MYO1B: variants seen among roughly 807,000 people sequenced by gnomAD.
The protein encoded by MYO1B is myosin IB, also known as unconventional myosin-Ib.
Under a neutral mutation model 159.7 loss-of-function variants are expected in MYO1B, and 72 were observed. The observed-to-expected ratio is 0.45, with a 90% confidence interval of 0.37 to 0.55. MYO1B has a LOEUF of 0.55. Among genes scored for constraint, MYO1B ranks in the 20% least tolerant of loss-of-function variants. The pLI is 0.00. For missense variants in MYO1B, 1,062 were observed against 1,364.8 expected (o/e 0.78, Z 3.50); for synonymous variants, 468 against 473.8 (o/e 0.99, Z 0.16).
In MYO1B at chr2:191,369,543, CTTA is replaced by C; in HGVS notation, c.1039_1041del (p.Tyr347del). 1 of 1,611,882 alleles carries C rather than the reference CTTA, an allele frequency of 6.2e-7. No homozygotes were observed. Among genetic ancestry groups the C allele is most frequent in the Non-Finnish European group, 8.5e-7 (1 of 1,178,480 alleles). On this transcript the variant is annotated inframe_deletion and splice_region_variant, in exon 12 of 31. Coordinates refer to ENST00000392318, the MANE Select transcript of MYO1B (RefSeq NM_001130158.3). ...TTTTGTTTGTTTGTTTTTTAATAGG[CTTA>C]TTATGCCCGTGATGCTCTGGCTAAA...
chr2:191,368,925 G>C (rs1490988927), intron 11 of MYO1B, among the ~76,000 whole-genome samples: 1 of 152,148 alleles, frequency 6.6e-6, no homozygotes, highest in African/African-American at 2.4e-5. Context: ...AGTGAGCTGA[G>C]ATTGTGCTAC....
chr2:191,249,517 A>T (rs1685984484), intron 1 of MYO1B, among the ~76,000 whole-genome samples: 2 of 152,160 alleles, frequency 1.3e-5, no homozygotes. Flanking sequence ...ATGAAAAGGG[A>T]ATAGCAGTGG....
intron 11 of MYO1B, among the ~76,000 whole-genome samples, chr2:191,368,753 C>T (rs1453892038): frequency 6.6e-6 from 1 of 152,100 alleles, no homozygotes; most frequent in Non-Finnish European, 1.5e-5. Flanking sequence ...GTGGGTGGAT[C>T]ACCTGAGGCC....
At chr2:191,296,025 T>C (rs1559147512) in intron 2 of MYO1B, 86 bp from the exon 3 acceptor site, 16 of 646,568 alleles carry the variant, frequency 2.5e-5, no homozygotes, top group African/African-American at 3.7e-5. Flanking sequence ...TTTTAAAAGG[T>C]TGAAACCATA....
chr2:191,374,478 G>A (rs1010553268), intron 13 of MYO1B, among the ~76,000 whole-genome samples: 2 of 152,172 alleles, frequency 1.3e-5, no homozygotes, highest in Non-Finnish European at 2.9e-5. Context: ...TGGCCCTGCA[G>A]TTCCCATGAA....
At chr2:191,299,680 A>T (rs1014943247) in intron 3 of MYO1B, among the ~76,000 whole-genome samples, 1 of 152,232 alleles carries the variant, frequency 6.6e-6, no homozygotes, top group African/African-American at 2.4e-5. Flanking sequence ...GTAAAAACAT[A>T]GTGAACAGGA....
intron 30 of MYO1B, among the ~76,000 whole-genome samples, chr2:191,423,048 C>T (rs1017965914): frequency 6.6e-6 from 1 of 152,154 alleles, no homozygotes; most frequent in African/African-American, 2.4e-5. Context: ...GGTTGAGTCT[C>T]CCTTATTCGA....
chr2:191,297,965 C>A (rs1377971758), intron 3 of MYO1B, among the ~76,000 whole-genome samples: 1 of 152,104 alleles, frequency 6.6e-6, no homozygotes, highest in East Asian at 1.9e-4. Context: ...TTGAGAAACC[C>A]TGAAATGAAG....
intron 13 of MYO1B, among the ~76,000 whole-genome samples, chr2:191,373,780 A>G (rs1694526785): frequency 6.6e-6 from 1 of 152,208 alleles, no homozygotes; most frequent in African/African-American, 2.4e-5. Context: ...AGCAAATCTT[A>G]TAATGGCCAT....
chr2:191,358,058 A>G (rs1693416025), intron 7 of MYO1B, among the ~76,000 whole-genome samples: 1 of 152,222 alleles, frequency 6.6e-6, no homozygotes, highest in Non-Finnish European at 1.5e-5. Flanking sequence ...AGGCGAATTC[A>G]TGTATTTATA....
chr2:191,331,606 AATTC>A (rs1691479708), intron 4 of MYO1B, among the ~76,000 whole-genome samples: 1 of 152,184 alleles, frequency 6.6e-6, no homozygotes, highest in Non-Finnish European at 1.5e-5. Context: ...ACATTGATTT[AATTC>A]ATTCATCCAG....
chr2:191,315,960 GTA>G (rs1285541793), intron 3 of MYO1B, among the ~76,000 whole-genome samples: 1 of 152,220 alleles, frequency 6.6e-6, no homozygotes, highest in Non-Finnish European at 1.5e-5. Flanking sequence ...TAGGTGCCTA[GTA>G]TACATCTAGG....
At chr2:191,255,063 G>T (rs1686355704) in intron 1 of MYO1B, among the ~76,000 whole-genome samples, 1 of 151,336 alleles carries the variant, frequency 6.6e-6, no homozygotes, top group East Asian at 2.0e-4. Flanking sequence ...AAGCAGCTAG[G>T]ACTACAGGCA....
At chr2:191,332,675 A>G (rs1691568577) in intron 4 of MYO1B, among the ~76,000 whole-genome samples, 1 of 152,202 alleles carries the variant, frequency 6.6e-6, no homozygotes, top group Admixed American at 6.6e-5. Context: ...GAACACGGAA[A>G]CATTAAGCAA....
chr2:191,354,011 A>C (rs1693096075), intron 7 of MYO1B, among the ~76,000 whole-genome samples: 1 of 152,184 alleles, frequency 6.6e-6, no homozygotes. Flanking sequence ...TAATCGCAGC[A>C]CTTTGGGAGG....
At chr2:191,272,390 G>C (rs1444583109) in intron 1 of MYO1B, among the ~76,000 whole-genome samples, 4 of 152,162 alleles carry the variant, frequency 2.6e-5, no homozygotes, top group Admixed American at 1.3e-4. Context: ...TTCTTTCCTG[G>C]CCTTGGTACT....
chr2:191,302,883 T>C (rs549756939), intron 3 of MYO1B, among the ~76,000 whole-genome samples: 44 of 152,372 alleles, frequency 2.9e-4, no homozygotes, highest in African/African-American at 1.0e-3. Flanking sequence ...GGTATAGTGC[T>C]AATGTCAGTT....
intron 3 of MYO1B, among the ~76,000 whole-genome samples, chr2:191,305,063 C>G (rs1209823985): frequency 6.6e-6 from 1 of 152,210 alleles, no homozygotes; most frequent in Non-Finnish European, 1.5e-5. Context: ...TCTGGAGAAG[C>G]AGCACTGAGG....
rs372423847 is a variant in MYO1B, at chr2:191,346,301, A to G, written c.498+19A>G. The stretch of plus-strand genomic sequence containing the variant: ...TAGATTTGTAAGTATTTGTATAAGC[A>G]TAAGTGTTAACACTAATATTTAGCT... On this transcript the variant is annotated intron_variant, in intron 6 of 30. Transcript: ENST00000392318. 6.3e-5 allele frequency: 97 copies of G among 1,539,248 alleles called. No individual in the cohort carries two copies. In the African/African-American group the frequency reaches 9.8e-4, roughly 16 times the overall value.
Sources: allele counts gnomAD v4.1 joint callset (sites outside exome capture counted in the v4.1 genomes callset), GRCh38; gene constraint gnomAD v4.1.1; transcripts MANE v1.5; gene names NCBI Gene and HGNC (gene_info 2026-07-23, HGNC 2026-07-21).